The following FLI1 variants were observed in gnomAD, a reference collection of about 807,000 sequenced individuals.
FLI1 encodes Fli-1 proto-oncogene, ETS transcription factor.
FLI1 carries 13 observed loss-of-function variants against 53.1 expected under a neutral mutation model. The observed-to-expected ratio is 0.24, with a 90% CI of 0.16 to 0.39. The LOEUF is 0.39. Among genes scored for constraint, FLI1 ranks in the 10% least tolerant of loss-of-function variants. The pLI, the probability that FLI1 is intolerant of heterozygous loss-of-function variation, is 1.00. For synonymous variants in FLI1, 244 were observed against 236.7 expected, an observed-to-expected ratio of 1.03 and a Z score of -0.28; for missense variants, 424 against 600.5, an observed-to-expected ratio of 0.71 and a Z score of 3.07.
At chr11:128,756,751 T>G (rs1220142185) in intron 1 of FLI1, among the ~76,000 whole-genome samples, 5 of 152,248 alleles carry the variant, frequency 3.3e-5, no homozygotes, top group South Asian at 2.1e-4. Flanking sequence ...TACTTTGGTG[T>G]AATTATGTGA....
chr11:128,710,853 G>A (rs923209418), intron 1 of FLI1, among the ~76,000 whole-genome samples: 1 of 152,216 alleles, frequency 6.6e-6, no homozygotes, highest in Non-Finnish European at 1.5e-5. Context: ...CTCTTTTGAA[G>A]ATATTCATGT....
intron 2 of FLI1, among the ~76,000 whole-genome samples, chr11:128,767,343 C>T (rs1206218521): frequency 6.6e-6 from 1 of 152,192 alleles, no homozygotes; most frequent in Non-Finnish European, 1.5e-5. Flanking sequence ...CATTCCTTCT[C>T]CAAGTAGCAA....
chr11:128,758,081 C>CACTGGGCT, intron 1 of FLI1, 34 bp from the exon 2 acceptor site: 1 of 1,571,964 alleles, frequency 6.4e-7, no homozygotes, highest in Non-Finnish European at 8.7e-7. Flanking sequence ...TGAAGAGTGA[C>CACTGGGCT]ACTGGGCTTT....
intron 1 of FLI1, among the ~76,000 whole-genome samples, chr11:128,696,971 C>T (rs1306069431): frequency 6.6e-6 from 1 of 152,116 alleles, no homozygotes; most frequent in Non-Finnish European, 1.5e-5. Flanking sequence ...CCTTATAAGT[C>T]CCTCCATATT....
At position 128,712,595 on chromosome 11, in the gene FLI1, G is replaced by A. The variant is rs544939972; in HGVS notation, c.18+18319G>A. 8.5e-5 allele frequency among the ~76,000 whole-genome samples: 13 copies of A among 152,280 alleles called. No individual in the cohort carries two copies. In the South Asian group the frequency reaches 2.7e-3, roughly 32 times the overall value. ...TCACAATCATGGCGGAAGGCAAGGA[G>A]GAGAAAGTCACACCTTACACGGATG... On this transcript the variant is annotated intron_variant, in intron 1 of 8. Coordinates refer to ENST00000527786, the MANE Select transcript of FLI1 (RefSeq NM_002017.5).
chr11:128,752,176 A>T (rs1940675728), intron 1 of FLI1, among the ~76,000 whole-genome samples: 1 of 151,930 alleles, frequency 6.6e-6, no homozygotes, highest in South Asian at 2.1e-4. Flanking sequence ...GGGTTTCATT[A>T]TGTTGGCCAG....
At chr11:128,772,196 C>T (rs1426771630) in intron 3 of FLI1, among the ~76,000 whole-genome samples, 1 of 152,196 alleles carries the variant, frequency 6.6e-6, no homozygotes, top group Non-Finnish European at 1.5e-5. Flanking sequence ...CATCTCTCAT[C>T]TTTGGGTATT....
intron 1 of FLI1, among the ~76,000 whole-genome samples, chr11:128,714,664 G>T (rs1205661595): frequency 6.6e-6 from 1 of 150,404 alleles, no homozygotes; most frequent in African/African-American, 2.4e-5. Flanking sequence ...GATGGTTACT[G>T]AGTAGTTACT....
At chr11:128,695,786 A>G (rs751263245) in intron 1 of FLI1, 1 of 152,166 alleles carries the variant, frequency 6.6e-6, no homozygotes, top group Non-Finnish European at 1.5e-5. Context: ...TCATTGGGCC[A>G]TTTTATGCCT....
chr11:128,741,936 C>T (rs1940157093), intron 1 of FLI1, among the ~76,000 whole-genome samples: 2 of 152,212 alleles, frequency 1.3e-5, no homozygotes, highest in Admixed American at 1.3e-4. Flanking sequence ...GGTGACAATG[C>T]ACTGCTTCCA....
At chr11:128,780,583 G>A (rs776480656) in intron 4 of FLI1, among the ~76,000 whole-genome samples, 5 of 150,482 alleles carry the variant, frequency 3.3e-5, no homozygotes, top group African/African-American at 5.0e-5. Context: ...CAACAAGAGC[G>A]AAACTCCGTT....
Position 128,714,665 on chromosome 11 carries a change from A to G in FLI1, c.18+20389A>G, listed in dbSNP as rs559103960. On this transcript the variant is annotated intron_variant, in intron 1 of 8. Transcript: ENST00000527786. ...ATGATGATGATGATGATGGTTACTG[A>G]GTAGTTACTGATGAGCCCAGCACTG... is the stretch of plus-strand genomic sequence containing the variant. Among the ~76,000 whole-genome samples the G allele has an allele frequency of 2.2e-4, 33 of 148,934 alleles. 1 individual carries two copies. The South Asian group carries it at 7.2e-3, about 32-fold the overall frequency.
At position 128,764,639 on chromosome 11, in the gene FLI1, C is replaced by G. The variant is rs1011238309; in HGVS notation, c.231-3479C>G. ...CCCCCTCCCTCTTGTTTTCATCAAG[C>G]CTTCTTCACAGGCGCCAGCTGCCTC... On this transcript the variant is annotated intron_variant, in intron 2 of 8. Transcript: ENST00000527786. 3.9e-6 allele frequency: 6 copies of G among 1,531,150 alleles called. No homozygotes were observed. The African/African-American group carries it at 4.1e-5, about 10-fold the overall frequency. The allele number at this position is 1,531,150 out of a possible 1,614,324, so 94.8% of individuals were successfully genotyped here.
At chr11:128,726,116 A>C (rs1313528422) in intron 1 of FLI1, among the ~76,000 whole-genome samples, 2 of 152,102 alleles carry the variant, frequency 1.3e-5, no homozygotes, top group Non-Finnish European at 2.9e-5. Flanking sequence ...AGAACCCCCG[A>C]GGTCCGGTCT....
intron 2 of FLI1, among the ~76,000 whole-genome samples, chr11:128,767,909 T>C (rs1203363796): frequency 6.6e-6 from 1 of 152,184 alleles, no homozygotes; most frequent in Non-Finnish European, 1.5e-5. Context: ...TTTTACGTAC[T>C]GTAATTATAG....
At chr11:128,735,818 ATAGTATT>A (rs1423409124) in intron 1 of FLI1, among the ~76,000 whole-genome samples, 1 of 152,238 alleles carries the variant, frequency 6.6e-6, no homozygotes, top group African/African-American at 2.4e-5. Flanking sequence ...CAAACAGAAA[ATAGTATT>A]TAGAATAATA....
chr11:128,688,610 AG>A (rs1459481833), intron 1 of FLI1, among the ~76,000 whole-genome samples: 2 of 152,026 alleles, frequency 1.3e-5, no homozygotes, highest in African/African-American at 4.8e-5. Context: ...CCTGGCCCCT[AG>A]GGGCCAAGGG....
intron 1 of FLI1, among the ~76,000 whole-genome samples, chr11:128,708,249 G>A (rs760295421): frequency 4.6e-5 from 7 of 152,196 alleles, no homozygotes; most frequent in African/African-American, 9.7e-5. Flanking sequence ...AGTTACCATC[G>A]ACAAGCAGTC....
chr11:128,702,624 G>A (rs950184478), intron 1 of FLI1, among the ~76,000 whole-genome samples: 1 of 152,254 alleles, frequency 6.6e-6, no homozygotes, highest in Non-Finnish European at 1.5e-5. Flanking sequence ...CATTTTGGGA[G>A]GCCAAGGCGG....
Sources: allele counts gnomAD v4.1 joint callset (sites outside exome capture counted in the v4.1 genomes callset), GRCh38; gene constraint gnomAD v4.1.1; transcripts MANE v1.5; gene names NCBI Gene and HGNC (gene_info 2026-07-23, HGNC 2026-07-21).